SNX8: variants seen among roughly 807,000 people sequenced by gnomAD.
SNX8 encodes the protein sorting nexin 8.
Under a neutral mutation model 51.6 loss-of-function variants are expected in SNX8, and 25 were observed. That is an observed-to-expected ratio of 0.48 (90% CI 0.35 to 0.68). The LOEUF (loss-of-function observed/expected upper bound fraction) is 0.68, where lower values mean the gene tolerates loss of function less well. SNX8 is among the 30% of genes least tolerant of loss of function. SNX8 has a pLI of 0.00. For missense variants in SNX8, 695 were observed against 624.0 expected (o/e 1.11, Z -1.21); for synonymous variants, 324 against 277.0 (o/e 1.17, Z -1.68).
chr7:2,300,398 C>T (rs1218160565), intron 1 of SNX8, among the ~76,000 whole-genome samples: 1 of 152,174 alleles, frequency 6.6e-6, no homozygotes, highest in Non-Finnish European at 1.5e-5. Flanking sequence ...TTTCAGTAGA[C>T]ACGTTGCAAA....
At chr7:2,339,403 G>T (rs1354488995) in intron 1 of SNX8, among the ~76,000 whole-genome samples, 2 of 151,068 alleles carry the variant, frequency 1.3e-5, no homozygotes, top group Non-Finnish European at 2.9e-5. Context: ...TAGAGATGGG[G>T]TTTCACCATG....
intron 1 of SNX8, among the ~76,000 whole-genome samples, chr7:2,330,769 G>C (rs183218914): frequency 6.6e-6 from 1 of 152,140 alleles, no homozygotes; most frequent in Non-Finnish European, 1.5e-5. Context: ...GTTGACTGCT[G>C]TGGGGGAATG....
In SNX8 at chr7:2,257,003, C is replaced by T; in HGVS notation, c.1155G>A (p.Thr385=). 2 of 1,609,356 alleles carry T rather than the reference C, an allele frequency of 1.2e-6. No homozygotes were observed. Among genetic ancestry groups the T allele is most frequent in the South Asian group, 1.1e-5 (1 of 90,748 alleles). Residue 385 remains threonine, a synonymous_variant, in exon 10 of 11, where the codon ACG becomes ACA. Transcript: ENST00000222990. ...GGGAGAAGTAGTTCCGCAGCTCCAT[C>T]GTCTGAATCGCGTTCTCCTGCTGCG... ...RIVEQENAIQ[T]MELRNYFSLY...
In SNX8 at chr7:2,289,753, C is replaced by T. The variant is rs139526323; in HGVS notation, c.95-11448G>A. ...TGTTAGTAAAACGTAGTACTGTTCA[C>T]GTGGGTATAACAAAGCCATTCGGGC... On this transcript the variant is annotated intron_variant, in intron 1 of 10. Transcript: ENST00000222990. Among the ~76,000 whole-genome samples, 482 of 152,254 alleles carry T rather than the reference C, an allele frequency of 3.2e-3. 1 individual carries two copies. The highest frequency in any genetic ancestry group is 5.3e-3 in the Non-Finnish European group (359 of 68,024).
rs186332661 is a variant in SNX8, at chr7:2,320,826, G to T, written c.-66+33396C>A. ...ACCTGAGGTCAGGAGTTTGAGACCAGCCTGGCCAACATGTGAAACCCTGTC... is the reference window on the plus strand; with the variant it reads ...ACCTGAGGTCAGGAGTTTGAGACCATCCTGGCCAACATGTGAAACCCTGTC... On this transcript the variant is annotated intron_variant, in intron 1 of 5. Coordinates refer to the SNX8 transcript ENST00000435336. Among the ~76,000 whole-genome samples, 1,237 of 152,106 alleles carry T rather than the reference G, an allele frequency of 8.1e-3. 16 individuals are homozygous for T. The highest frequency in any genetic ancestry group is 0.028 in the African/African-American group (1,172 of 41,492).
At chr7:2,325,889 C>T (rs1441465275) in intron 1 of SNX8, among the ~76,000 whole-genome samples, 1 of 152,012 alleles carries the variant, frequency 6.6e-6, no homozygotes. Flanking sequence ...GGAATGTGTT[C>T]TTGGAAACTG....
intron 1 of SNX8, among the ~76,000 whole-genome samples, chr7:2,323,233 G>A (rs1203683741): frequency 1.3e-5 from 2 of 151,052 alleles, no homozygotes; most frequent in Non-Finnish European, 1.5e-5. Flanking sequence ...GGGAAGCTGA[G>A]GCATGAAAAT....
At chr7:2,333,859 A>G (rs2115238270) in intron 1 of SNX8, among the ~76,000 whole-genome samples, 1 of 152,306 alleles carries the variant, frequency 6.6e-6, no homozygotes, top group East Asian at 1.9e-4. Flanking sequence ...GGCCAGGCAC[A>G]GGATTACAGG....
chr7:2,300,546 G>A (rs1005480562), intron 1 of SNX8, among the ~76,000 whole-genome samples: 3 of 151,512 alleles, frequency 2.0e-5, no homozygotes, highest in South Asian at 2.1e-4. Flanking sequence ...CCAAGTAACC[G>A]GAACTACAGA....
At chr7:2,335,661 G>C (rs952753898) in intron 1 of SNX8, among the ~76,000 whole-genome samples, 16 of 152,020 alleles carry the variant, frequency 1.1e-4, no homozygotes, top group Non-Finnish European at 2.9e-5. Context: ...AAATTAGCTG[G>C]GCGTGGTGGC....
intron 1 of SNX8, among the ~76,000 whole-genome samples, chr7:2,332,132 C>T (rs971771642): frequency 1.4e-5 from 2 of 146,026 alleles, no homozygotes; most frequent in African/African-American, 5.1e-5. Flanking sequence ...GCTTGAGCCT[C>T]GGAAGCAAAG....
chr7:2,288,756 C>T (rs1562440468), intron 1 of SNX8, among the ~76,000 whole-genome samples: 1 of 152,118 alleles, frequency 6.6e-6, no homozygotes, highest in Non-Finnish European at 1.5e-5. Context: ...GTTTTTGAGA[C>T]AGGGTCTCAC....
intron 1 of SNX8, among the ~76,000 whole-genome samples, chr7:2,341,400 G>A (rs546527280): frequency 6.6e-6 from 1 of 151,972 alleles, no homozygotes; most frequent in African/African-American, 2.4e-5. Context: ...TCGGGAGGCT[G>A]AGGCAGGAGA....
intron 1 of SNX8, among the ~76,000 whole-genome samples, chr7:2,328,936 G>T (rs1778678229): frequency 6.6e-6 from 1 of 151,932 alleles, no homozygotes; most frequent in African/African-American, 2.4e-5. Context: ...ATACAAAAAA[G>T]TTAGCCGGGC....
At chr7:2,268,447 G>GGT (rs1795542172) in intron 5 of SNX8, among the ~76,000 whole-genome samples, 1 of 140,810 alleles carries the variant, frequency 7.1e-6, no homozygotes, top group African/African-American at 2.6e-5. Flanking sequence ...CCGGGAGGGA[G>GGT]GTGGGGGGGG....
chr7:2,261,640 G>C (rs1795339090), intron 7 of SNX8, among the ~76,000 whole-genome samples: 1 of 152,144 alleles, frequency 6.6e-6, no homozygotes, highest in African/African-American at 2.4e-5. Flanking sequence ...CTCCACCTGG[G>C]GGGAGTGGGC....
At chr7:2,323,747 C>T (rs1256058813) in intron 1 of SNX8, among the ~76,000 whole-genome samples, 1 of 152,198 alleles carries the variant, frequency 6.6e-6, no homozygotes, top group African/African-American at 2.4e-5. Context: ...GCCAGGACAG[C>T]ACCAAACACT....
At position 2,344,242 on chromosome 7, in the gene SNX8, G is replaced by C. The variant is rs28799914; in HGVS notation, c.-66+9980C>G. ...TAAAAAGAAAATCCTAGTACTTTGG[G>C]AGGCCAAGGTGGGAAGATCGCTTGA... On this transcript the variant is annotated intron_variant, in intron 1 of 5. Coordinates refer to the SNX8 transcript ENST00000435336. Among the ~76,000 whole-genome samples the C allele has an allele frequency of 1.5e-3, 224 of 151,954 alleles. 1 individual carries two copies. The highest frequency in any genetic ancestry group is 4.9e-3 in the African/African-American group (205 of 41,476).
chr7:2,347,744 G>C (rs934480055), intron 1 of SNX8, among the ~76,000 whole-genome samples: 1 of 151,014 alleles, frequency 6.6e-6, no homozygotes, highest in African/African-American at 2.4e-5. Context: ...CTCCCAGGTT[G>C]AAGCAATTCT....
Sources: allele counts gnomAD v4.1 joint callset (sites outside exome capture counted in the v4.1 genomes callset), GRCh38; gene constraint gnomAD v4.1.1; transcripts MANE v1.5; gene names NCBI Gene and HGNC (gene_info 2026-07-23, HGNC 2026-07-21).